EVA1A: variants seen among roughly 807,000 people sequenced by gnomAD.
The protein encoded by EVA1A is protein eva-1 homolog A.
A neutral mutation model predicts 9.8 loss-of-function variants in EVA1A; 7 were observed. That is an observed-to-expected ratio of 0.71 (90% CI 0.41 to 1.34). The LOEUF (loss-of-function observed/expected upper bound fraction) is 1.34. EVA1A is among the 40% of genes most tolerant of loss of function. The pLI is 0.01. For synonymous variants in EVA1A, 90 were observed against 85.6 expected, an observed-to-expected ratio of 1.05 and a Z score of -0.28; for missense variants, 206 against 205.9, an observed-to-expected ratio of 1.00 and a Z score of 0.00.
At chr2:75,505,287 T>C (rs764911722) in intron 3 of EVA1A, among the ~76,000 whole-genome samples, 1 of 152,186 alleles carries the variant, frequency 6.6e-6, no homozygotes, top group African/African-American at 2.4e-5. Flanking sequence ...CTTTATGTGG[T>C]TGCGCTATAA....
intron 3 of EVA1A, among the ~76,000 whole-genome samples, chr2:75,509,575 A>T (rs1045377293): frequency 2.0e-5 from 3 of 152,176 alleles, no homozygotes; most frequent in Non-Finnish European, 4.4e-5. Flanking sequence ...CATATTGTAC[A>T]GTTGTTTTGA....
rs190332379 is a variant in EVA1A, at chr2:75,525,186, T to C, written c.-191-2699A>G. On this transcript the variant is annotated intron_variant, in intron 1 of 3. Coordinates refer to ENST00000393913, the MANE Select transcript of EVA1A (RefSeq NM_001135032.2). ...TATTGTTCTTTCTCAAATATTTGCTTATTCTTTCCAAATCACTATCTCAAT... is the reference window on the plus strand; with the variant it reads ...TATTGTTCTTTCTCAAATATTTGCTCATTCTTTCCAAATCACTATCTCAAT... Among the ~76,000 whole-genome samples the C allele has an allele frequency of 2.0e-5, 3 of 152,270 alleles. No individual in the cohort carries two copies. The East Asian group carries it at 5.8e-4, about 29-fold the overall frequency.
rs147078082 is a variant in EVA1A, at chr2:75,544,323, C to T, written c.-192+16357G>A. Among the ~76,000 whole-genome samples, 118 of 152,262 alleles carry T rather than the reference C, an allele frequency of 7.7e-4. 1 individual carries two copies. The highest frequency in any genetic ancestry group is 2.5e-3 in the African/African-American group (105 of 41,564). On this transcript the variant is annotated intron_variant, in intron 1 of 3. Coordinates refer to ENST00000393913, the MANE Select transcript of EVA1A (RefSeq NM_001135032.2). ...CCTGGAATGTATGCTCTTATAAAGA[C>T]GTAATACTAAACTATACGGTAATAT...
intron 2 of EVA1A, among the ~76,000 whole-genome samples, chr2:75,519,598 C>G (rs1675164329): frequency 6.6e-6 from 1 of 152,060 alleles, no homozygotes; most frequent in South Asian, 2.1e-4. Context: ...TGTTAAGGGA[C>G]CCTTGAGCCG....
intron 1 of EVA1A, among the ~76,000 whole-genome samples, chr2:75,530,187 T>C (rs963550240): frequency 6.6e-6 from 1 of 152,044 alleles, no homozygotes; most frequent in Non-Finnish European, 1.5e-5. Flanking sequence ...CAGCCCTCTC[T>C]GGATTAAACC....
intron 2 of EVA1A, among the ~76,000 whole-genome samples, chr2:75,520,664 C>A (rs534340246): frequency 3.9e-5 from 6 of 152,200 alleles, no homozygotes; most frequent in African/African-American, 1.4e-4. Context: ...TGAAGTTGGA[C>A]CCTTACCTTA....
intron 3 of EVA1A, among the ~76,000 whole-genome samples, chr2:75,505,806 TC>T (rs1441543753): frequency 6.6e-6 from 1 of 151,320 alleles, no homozygotes; most frequent in African/African-American, 2.4e-5. Flanking sequence ...AGAGACTCTG[TC>T]TCAGAAAAAA....
intron 3 of EVA1A, among the ~76,000 whole-genome samples, chr2:75,497,191 T>A (rs1674241833): frequency 6.6e-6 from 1 of 152,070 alleles, no homozygotes; most frequent in African/African-American, 2.4e-5. Flanking sequence ...ACAAGTAGGA[T>A]CTAATTAAAC....
chr2:75,502,317 T>TG (rs1188588860), intron 3 of EVA1A, among the ~76,000 whole-genome samples: 1 of 152,214 alleles, frequency 6.6e-6, no homozygotes, highest in East Asian at 1.9e-4. Context: ...ACAAGGGTTT[T>TG]CAGACCATGA....
At chr2:75,513,709 AAAG>A (rs1278855578) in intron 3 of EVA1A, among the ~76,000 whole-genome samples, 5 of 152,348 alleles carry the variant, frequency 3.3e-5, no homozygotes, top group Admixed American at 2.6e-4. Context: ...CGGCCTTAAC[AAAG>A]AAGGAGATAC....
chr2:75,518,630 T>C, intron 2 of EVA1A: 1 of 987,738 alleles, frequency 1.0e-6, no homozygotes, highest in East Asian at 1.1e-4. Flanking sequence ...CAGTAAACAA[T>C]TCCCCCTTAC....
At chr2:75,493,903 C>T (rs181440098) in intron 3 of EVA1A, among the ~76,000 whole-genome samples, 5 of 152,332 alleles carry the variant, frequency 3.3e-5, no homozygotes, top group African/African-American at 7.2e-5. Flanking sequence ...ACCTACTGTA[C>T]GCAAGCAGCC....
intron 1 of EVA1A, among the ~76,000 whole-genome samples, chr2:75,548,283 T>A (rs1423272332): frequency 6.6e-6 from 1 of 152,158 alleles, no homozygotes; most frequent in Non-Finnish European, 1.5e-5. Flanking sequence ...CAGGCTCACA[T>A]CACCATGCCT....
At position 75,493,419 on chromosome 2, in the gene EVA1A, C is replaced by T; in HGVS notation, c.276G>A (p.Val92=). ...SDSEDGSEDT[V]SDLSVRRHRR... ...GGTGTCTCCGCACGGAGAGATCGGA[C>T]ACGGTGTCCTCACTGCCATCCTCGC... The change falls in exon 4 of 4, where the codon GTG becomes GTA. Residue 92 remains valine (V), a synonymous_variant. Coordinates refer to ENST00000393913, the MANE Select transcript of EVA1A (RefSeq NM_001135032.2). The T allele has an allele frequency of 1.9e-6, 3 of 1,614,162 alleles. No individual in the cohort carries two copies. The South Asian group carries it at 3.3e-5, about 18-fold the overall frequency.
chr2:75,546,491 T>C (rs1335893178), intron 1 of EVA1A, among the ~76,000 whole-genome samples: 1 of 152,034 alleles, frequency 6.6e-6, no homozygotes, highest in Non-Finnish European at 1.5e-5. Flanking sequence ...ATCTGAACTG[T>C]AGTAATAAAA....
chr2:75,541,644 G>A (rs573809551), intron 1 of EVA1A: 4 of 152,672 alleles, frequency 2.6e-5, no homozygotes, highest in East Asian at 3.9e-4. Flanking sequence ...GTTATTGGGG[G>A]AGGAGTCTCC....
At chr2:75,527,828 G>A (rs1022483895) in intron 1 of EVA1A, among the ~76,000 whole-genome samples, 1 of 152,162 alleles carries the variant, frequency 6.6e-6, no homozygotes, top group Non-Finnish European at 1.5e-5. Flanking sequence ...ACCACCACAG[G>A]AACATACCAG....
chr2:75,512,487 A>G (rs1674851896), intron 3 of EVA1A, among the ~76,000 whole-genome samples: 1 of 152,114 alleles, frequency 6.6e-6, no homozygotes. Context: ...ATTCTTGGAA[A>G]AGGAAAAGAG....
At chr2:75,517,876 A>G (rs542661519) in intron 3 of EVA1A, 180 bp downstream of exon 3, 1 of 770,784 alleles carries the variant, frequency 1.3e-6, no homozygotes, top group East Asian at 2.7e-5. Context: ...CAAATTAGAG[A>G]ATGACAAGCT....
Sources: allele counts gnomAD v4.1 joint callset (sites outside exome capture counted in the v4.1 genomes callset), GRCh38; gene constraint gnomAD v4.1.1; transcripts MANE v1.5; gene names NCBI Gene and HGNC (gene_info 2026-07-23, HGNC 2026-07-21).